Variants in ATG10 observed in about 807,000 individuals in gnomAD.
ATG10 encodes the protein ubiquitin-like-conjugating enzyme ATG10.
Under a neutral mutation model 32.1 loss-of-function variants are expected in ATG10, and 30 were observed. The ratio of observed to expected loss-of-function variants is 0.94; its 90% CI spans 0.70 to 1.27. The LOEUF is 1.27. ATG10 is among the 50% of genes most tolerant of loss of function. The pLI is 0.00. For synonymous variants in ATG10, 87 were observed against 91.5 expected, an observed-to-expected ratio of 0.95 and a Z score of 0.28; for missense variants, 233 against 262.3, an observed-to-expected ratio of 0.89 and a Z score of 0.77.
At chr5:82,229,284 G>A (rs568537790) in intron 5 of ATG10, among the ~76,000 whole-genome samples, 2 of 152,172 alleles carry the variant, frequency 1.3e-5, no homozygotes, top group African/African-American at 4.8e-5. Flanking sequence ...GCTAAGACAG[G>A]AAAGAATAAA....
intron 2 of ATG10, among the ~76,000 whole-genome samples, chr5:82,047,755 A>G (rs536521081): frequency 6.6e-6 from 1 of 152,332 alleles, no homozygotes; most frequent in South Asian, 2.1e-4. Flanking sequence ...GGTGAAAAGA[A>G]GGGGGACTTG....
chr5:82,001,320 C>G (rs1761842936), intron 2 of ATG10, among the ~76,000 whole-genome samples: 1 of 151,992 alleles, frequency 6.6e-6, no homozygotes, highest in Admixed American at 6.6e-5. Context: ...CATATGGAAC[C>G]AAAAAGAGCC....
chr5:82,064,716 A>C (rs1460998127), intron 3 of ATG10, among the ~76,000 whole-genome samples: 1 of 152,078 alleles, frequency 6.6e-6, no homozygotes, highest in African/African-American at 2.4e-5. Flanking sequence ...ATGACAATAG[A>C]TATTAATATT....
At position 82,178,731 on chromosome 5, in the gene ATG10, T is replaced by TA. The variant is rs202186875; in HGVS notation, c.453+153dup. On this transcript the variant is annotated intron_variant, in intron 5 of 7. Coordinates refer to ENST00000282185, the MANE Select transcript of ATG10 (RefSeq NM_031482.5). ...TATTTCACCTCAAAGACAGTTTCCT[T>TA]AAAAAAAAACCTTCCCAGACCCAGT... The TA allele has an allele frequency of 6.5e-3, 3,409 of 527,618 alleles. 3 individuals are homozygous for TA. The highest frequency in any genetic ancestry group is 7.7e-3 in the Non-Finnish European group (2,352 of 306,546). The allele number at this position is 527,618 out of a possible 1,614,324, so 32.7% of individuals were successfully genotyped here.
At chr5:82,052,483 C>T (rs181177324) in intron 2 of ATG10, among the ~76,000 whole-genome samples, 7 of 152,334 alleles carry the variant, frequency 4.6e-5, no homozygotes. Context: ...AGATTGGAAT[C>T]TACTCTGGCA....
chr5:81,997,656 G>A lies in ATG10; in HGVS notation c.108+9978G>A, dbSNP rs575266312. Reference sequence around the variant, plus strand: ...AGAAACACAATAAAATAATACAGGAGGTGATAGAAGAAATGGCCATTTTTA... The same window carrying A: ...AGAAACACAATAAAATAATACAGGAAGTGATAGAAGAAATGGCCATTTTTA... On this transcript the variant is annotated intron_variant, in intron 2 of 7. Coordinates refer to ENST00000282185, the MANE Select transcript of ATG10 (RefSeq NM_031482.5). Among the ~76,000 whole-genome samples, 3 of 152,234 alleles carry A rather than the reference G, an allele frequency of 2.0e-5. No individual in the cohort carries two copies. The East Asian group carries it at 5.8e-4, about 29-fold the overall frequency.
At chr5:82,253,637 C>T (rs1416992467) in intron 7 of ATG10, among the ~76,000 whole-genome samples, 2 of 152,218 alleles carry the variant, frequency 1.3e-5, no homozygotes, top group African/African-American at 4.8e-5. Flanking sequence ...CCAGGCCTCA[C>T]AGCAGGAGGT....
At chr5:82,015,574 A>G (rs573508853) in intron 2 of ATG10, among the ~76,000 whole-genome samples, 1 of 152,196 alleles carries the variant, frequency 6.6e-6, no homozygotes, top group African/African-American at 2.4e-5. Flanking sequence ...CAATTCATTC[A>G]TTTGATCTTC....
At chr5:82,252,165 C>A (rs759712701) in intron 5 of ATG10, among the ~76,000 whole-genome samples, 2 of 152,126 alleles carry the variant, frequency 1.3e-5, no homozygotes, top group African/African-American at 2.4e-5. Context: ...TTACCATTGA[C>A]AAAGAGGTGA....
chr5:82,009,745 C>T, intron 2 of ATG10: 2 of 1,602,860 alleles, frequency 1.2e-6, no homozygotes, highest in Non-Finnish European at 8.5e-7. Flanking sequence ...TCAGTCTTGG[C>T]AGTGCAGATG....
chr5:82,178,561 G>A lies in ATG10; in HGVS notation c.427G>A (p.Gly143Arg). 6.2e-7 allele frequency: 1 copy of A among 1,610,944 alleles called. No homozygotes were observed. The highest frequency in any genetic ancestry group is 8.5e-7 in the Non-Finnish European group (1 of 1,177,502). ...HECYKMRLLQ[G>R]PWDTITQQEH... ...GTGCTATAAGATGCGACTGCTACAG[G>A]GACCATGGGACACTATTACGCAACA... The change falls in exon 5 of 8, where the codon GGA becomes AGA. Residue 143 changes from glycine (G) to arginine (R), a missense_variant. By Grantham distance (125) the Gly-to-Arg change is moderately radical (BLOSUM62 -2). Transcript: ENST00000282185.
At chr5:82,227,917 A>G (rs1478392215) in intron 5 of ATG10, among the ~76,000 whole-genome samples, 1 of 152,184 alleles carries the variant, frequency 6.6e-6, no homozygotes, top group Admixed American at 6.5e-5. Context: ...TATAAAAAGT[A>G]TGTATGGGCT....
At chr5:82,209,129 T>C (rs2149975846) in intron 5 of ATG10, among the ~76,000 whole-genome samples, 1 of 152,262 alleles carries the variant, frequency 6.6e-6, no homozygotes, top group Admixed American at 6.5e-5. Flanking sequence ...GCCATCTGGG[T>C]TTGGAGTTTT....
At chr5:82,135,966 A>G (rs1463069642) in intron 3 of ATG10, among the ~76,000 whole-genome samples, 1 of 151,990 alleles carries the variant, frequency 6.6e-6, no homozygotes, top group Non-Finnish European at 1.5e-5. Flanking sequence ...TCCCTTTACC[A>G]TATGTAATGC....
chr5:82,000,845 TG>T (rs1761827680), intron 2 of ATG10, among the ~76,000 whole-genome samples: 1 of 152,122 alleles, frequency 6.6e-6, no homozygotes, highest in South Asian at 2.1e-4. Context: ...TCAGTAGAGA[TG>T]GGGTTTCACC....
At chr5:82,253,542 C>T in intron 7 of ATG10, 113 bp downstream of exon 7, 1 of 697,078 alleles carries the variant, frequency 1.4e-6, no homozygotes, top group African/African-American at 1.8e-5. Context: ...GTGGGCAAAC[C>T]CTGACTTAAT....
intron 2 of ATG10, among the ~76,000 whole-genome samples, chr5:81,993,539 C>G (rs1722382716): frequency 1.3e-5 from 2 of 150,728 alleles, no homozygotes; most frequent in African/African-American, 4.9e-5. Flanking sequence ...AGTGATTCTC[C>G]TACCTCAGCC....
At position 82,235,714 on chromosome 5, in the gene ATG10, A is replaced by G. The variant is rs16899432; in HGVS notation, c.454-16848A>G. 1.6e-3 allele frequency among the ~76,000 whole-genome samples: 251 copies of G among 152,266 alleles called. 10 individuals are homozygous for G. The East Asian group carries it at 0.042, about 25-fold the overall frequency. Reference sequence around the variant, plus strand: ...AGCACCTCCTGTCAGGCATTTTTTTAAAGTGGATGTTTTTACTGGAACAAA... The same window carrying G: ...AGCACCTCCTGTCAGGCATTTTTTTGAAGTGGATGTTTTTACTGGAACAAA... On this transcript the variant is annotated intron_variant, in intron 5 of 7. Coordinates refer to ENST00000282185, the MANE Select transcript of ATG10 (RefSeq NM_031482.5).
At chr5:82,046,637 C>T (rs1360880020) in intron 2 of ATG10, among the ~76,000 whole-genome samples, 1 of 152,200 alleles carries the variant, frequency 6.6e-6, no homozygotes, top group Non-Finnish European at 1.5e-5. Context: ...TCTCTTGACC[C>T]TACAGCAGGA....
Sources: allele counts gnomAD v4.1 joint callset (sites outside exome capture counted in the v4.1 genomes callset), GRCh38; gene constraint gnomAD v4.1.1; transcripts MANE v1.5; gene names NCBI Gene and HGNC (gene_info 2026-07-23, HGNC 2026-07-21).